Variants in TMEM270 observed in about 807,000 individuals in gnomAD.
TMEM270 encodes the protein transmembrane protein 270, also known as Williams-Beuren syndrome chromosome region 28.
Under a neutral mutation model 29.9 loss-of-function variants are expected in TMEM270, and 30 were observed. The ratio of observed to expected loss-of-function variants is 1.00; its 90% CI spans 0.75 to 1.36. TMEM270 has a LOEUF of 1.36. Among genes scored for constraint, TMEM270 ranks in the 40% most tolerant of loss-of-function variants. The pLI is 0.00. For synonymous variants in TMEM270, 135 were observed against 139.8 expected, an observed-to-expected ratio of 0.97 and a Z score of 0.24; for missense variants, 313 against 307.1, an observed-to-expected ratio of 1.02 and a Z score of -0.14.
At chr7:73,863,407 TG>T (rs1413098614) in intron 1 of TMEM270, among the ~76,000 whole-genome samples, 10 of 151,790 alleles carry the variant, frequency 6.6e-5, no homozygotes, top group African/African-American at 2.2e-4. Flanking sequence ...TTTTTTTTTT[TG>T]AGATGGAGTC....
chr7:73,864,920 A>G (rs1157113693), intron 1 of TMEM270, 73 bp from the exon 2 acceptor site: 7 of 1,230,648 alleles, frequency 5.7e-6, no homozygotes, highest in Non-Finnish European at 7.6e-6. Context: ...AAAAAAAAGA[A>G]AAAGAAAAAG....
rs1554639879 is a variant in TMEM270, at chr7:73,865,622, AGACGTCTGTATTGGTGGGTGGAGACTAT to A, written c.551_578del (p.Arg184LeufsTer?). The A allele has an allele frequency of 6.2e-7, 1 of 1,614,092 alleles. No individual in the cohort carries two copies. Among genetic ancestry groups the A allele is most frequent in the East Asian group, 2.2e-5 (1 of 44,876 alleles). On this transcript the variant is annotated frameshift_variant, in exon 3 of 3. Coordinates refer to ENST00000320531, the MANE Select transcript of TMEM270 (RefSeq NM_182504.4). LOFTEE classifies it high-confidence loss of function. Reference sequence around the variant, plus strand: ...GGTAAGGAAGCTCCTGGTACAGCTGAGACGTCTGTATTGGTGGGTGGAGACTATGACTGCCCTCACCTCCTGGCACCTG... The same window carrying A: ...GGTAAGGAAGCTCCTGGTACAGCTGAGACTGCCCTCACCTCCTGGCACCTG...
intron 1 of TMEM270, among the ~76,000 whole-genome samples, chr7:73,863,092 C>T (rs1014114873): frequency 1.3e-5 from 2 of 152,072 alleles, no homozygotes; most frequent in African/African-American, 4.8e-5. Context: ...AATTCTTCTC[C>T]CTGCTGGACC....
intron 1 of TMEM270, among the ~76,000 whole-genome samples, chr7:73,863,406 T>C (rs954664103): frequency 9.9e-5 from 15 of 151,822 alleles, no homozygotes; most frequent in African/African-American, 3.1e-4. Flanking sequence ...TTTTTTTTTT[T>C]TGAGATGGAG....
At position 73,865,667 on chromosome 7, in the gene TMEM270, T is replaced by A; in HGVS notation, c.592T>A (p.Trp198Arg). The change falls in exon 3 of 3, where the codon TGG becomes AGG. Residue 198 changes from tryptophan to arginine, a missense_variant. Transcript: ENST00000320531. Reference sequence around the variant, plus strand: ...GGAGACTATGACTGCCCTCACCTCCTGGCACCTGGCCTATCTCATCACCTG... The same window carrying A: ...GGAGACTATGACTGCCCTCACCTCCAGGCACCTGGCCTATCTCATCACCTG... ...WVETMTALTS[W>R]HLAYLITWTT... 1 of 1,614,142 alleles carries A rather than the reference T, an allele frequency of 6.2e-7. No homozygotes were observed. The highest frequency in any genetic ancestry group is 8.5e-7 in the Non-Finnish European group (1 of 1,179,998).
chr7:73,863,922 C>T (rs898974925), intron 1 of TMEM270, among the ~76,000 whole-genome samples: 1 of 151,810 alleles, frequency 6.6e-6, no homozygotes, highest in Non-Finnish European at 1.5e-5. Context: ...GGTGGGGGAT[C>T]GTAACATGGT....
At chr7:73,862,170 C>A (rs1362647431) in intron 1 of TMEM270, among the ~76,000 whole-genome samples, 1 of 150,354 alleles carries the variant, frequency 6.7e-6, no homozygotes, top group African/African-American at 2.4e-5. Flanking sequence ...TGTAATGGTG[C>A]GATCTCGGCT....
At position 73,865,266 on chromosome 7, in the gene TMEM270, G is replaced by A. The variant is rs1554639803; in HGVS notation, c.346G>A (p.Ala116Thr). 6.2e-7 allele frequency: 1 copy of A among 1,613,476 alleles called. No homozygotes were observed. The highest frequency in any genetic ancestry group is 1.1e-5 in the South Asian group (1 of 91,084). ...TKGLGLALLS[A>T]WEQLGLSVAI... is the part of the protein sequence containing the mutation. ...GGGCCTGGGCCTGGCCTTGCTCAGTGCCTGGGAGCAGCTGGGCCTGTCTGT... is the reference window on the plus strand; with the variant it reads ...GGGCCTGGGCCTGGCCTTGCTCAGTACCTGGGAGCAGCTGGGCCTGTCTGT... The change falls in exon 2 of 3, where the codon GCC (alanine) becomes ACC (threonine). Residue 116 changes from alanine (A) to threonine (T), a missense_variant. Physicochemically the swap from Ala to Thr is moderately conservative, Grantham distance 58. Transcript: ENST00000320531.
chr7:73,862,018 C>T (rs1337528512), intron 1 of TMEM270, among the ~76,000 whole-genome samples: 3 of 150,224 alleles, frequency 2.0e-5, no homozygotes, highest in Admixed American at 1.3e-4. Context: ...AGGATGGTCT[C>T]GATCTCCTGA....
intron 1 of TMEM270, among the ~76,000 whole-genome samples, chr7:73,863,062 C>T (rs1788821152): frequency 6.6e-6 from 1 of 152,012 alleles, no homozygotes; most frequent in Non-Finnish European, 1.5e-5. Context: ...CTGGGAGGTC[C>T]TATTTCCTAG....
At chr7:73,861,083 G>A (rs1458407295), upstream of TMEM270, 3 of 1,008,508 alleles carry the variant, frequency 3.0e-6, no homozygotes, top group South Asian at 2.6e-5. Context: ...GCCAGGTAAA[G>A]GCAGTGGGTC....
intron 1 of TMEM270, among the ~76,000 whole-genome samples, chr7:73,862,734 C>T (rs1158465441): frequency 1.3e-5 from 2 of 151,690 alleles, no homozygotes; most frequent in Non-Finnish European, 2.9e-5. Flanking sequence ...GTGGTGCATG[C>T]CTGTAATCCC....
chr7:73,861,350 C>T (rs1554639220), intron 1 of TMEM270, 84 bp downstream of exon 1: 1 of 1,328,590 alleles, frequency 7.5e-7, no homozygotes, highest in African/African-American at 1.4e-5. Flanking sequence ...GGGCCCAAGC[C>T]CTGCCTGTCC....
intron 1 of TMEM270, among the ~76,000 whole-genome samples, chr7:73,864,054 G>T (rs1023995015): frequency 1.4e-5 from 2 of 139,360 alleles, no homozygotes; most frequent in East Asian, 4.4e-4. Flanking sequence ...GAGGCAGGAG[G>T]ATTGCTTGAG....
At chr7:73,863,119 G>C (rs1788822191) in intron 1 of TMEM270, among the ~76,000 whole-genome samples, 1 of 152,078 alleles carries the variant, frequency 6.6e-6, no homozygotes, top group Non-Finnish European at 1.5e-5. Flanking sequence ...TCTCAGCATA[G>C]CTCCACCCTC....
Position 73,865,074 on chromosome 7 carries a change from C to G in TMEM270, c.154C>G (p.Gln52Glu). The G allele has an allele frequency of 6.5e-7, 1 of 1,544,024 alleles. No individual in the cohort carries two copies. The highest frequency in any genetic ancestry group is 8.7e-7 in the Non-Finnish European group (1 of 1,145,786). The change falls in exon 2 of 3, where the codon CAG becomes GAG. Residue 52 changes from glutamine to glutamate, a missense_variant. Coordinates refer to ENST00000320531, the MANE Select transcript of TMEM270 (RefSeq NM_182504.4). Reference protein sequence around the residue: ...LFNHWVSGLAQEARGSCNWQA... With the variant: ...LFNHWVSGLAEEARGSCNWQA... ...CAACCACTGGGTGTCAGGGCTGGCC[C>G]AGGAGGCCCGGGGGTCCTGTAACTG...
At chr7:73,863,476 G>T (rs1305205330) in intron 1 of TMEM270, among the ~76,000 whole-genome samples, 3 of 150,602 alleles carry the variant, frequency 2.0e-5, no homozygotes, top group Non-Finnish European at 4.4e-5. Flanking sequence ...TGCAACCTCC[G>T]CCTCCTGGGT....
intron 1 of TMEM270, among the ~76,000 whole-genome samples, chr7:73,864,106 C>T (rs1209346093): frequency 1.7e-5 from 2 of 119,686 alleles, no homozygotes; most frequent in South Asian, 3.0e-4. Context: ...AGCAAGACCC[C>T]GCCTCTACAA....
In TMEM270 at chr7:73,864,998, T is replaced by G; in HGVS notation, c.78T>G (p.Val26=). ...CTCTCTCTCTTCTTCTGCAGTTGGT[T>G]CAGAACCGAGATCACCTCTATAATT... ...LQVTRLSVLL[V]QNRDHLYNFL... The change falls in exon 2 of 3, where the codon GTT becomes GTG. Residue 26 remains valine, a synonymous_variant. Coordinates refer to ENST00000320531, the MANE Select transcript of TMEM270 (RefSeq NM_182504.4). The G allele has an allele frequency of 6.7e-7, 1 of 1,498,574 alleles. No homozygotes were observed. Among genetic ancestry groups the G allele is most frequent in the Non-Finnish European group, 8.9e-7 (1 of 1,122,126 alleles). 92.8% of individuals were successfully genotyped at this position (1,498,574 alleles called of 1,614,324 possible). A position where few individuals can be genotyped will look rare whatever the true frequency, so the allele number is the denominator to read the frequency against.
Sources: gnomAD v4.1 joint callset for allele counts (sites outside exome capture counted in the v4.1 genomes callset) on GRCh38, gnomAD v4.1.1 for gene constraint, MANE v1.5 for transcripts, NCBI Gene and HGNC (gene_info 2026-07-23, HGNC 2026-07-21) for gene names.